ASTN2: variants seen among roughly 807,000 people sequenced by gnomAD.
ASTN2 encodes the protein astrotactin-2.
In ASTN2, 54 loss-of-function variants were observed where a neutral mutation model predicts 139.8. The ratio of observed to expected loss-of-function variants is 0.39; its 90% CI spans 0.31 to 0.48. The LOEUF (loss-of-function observed/expected upper bound fraction) is 0.48. ASTN2 is among the 20% of genes least tolerant of loss of function. ASTN2 has a pLI of 0.95. For synonymous variants in ASTN2, 756 were observed against 719.5 expected, an observed-to-expected ratio of 1.05 and a Z score of -0.81; for missense variants, 1,565 against 1,725.1, an observed-to-expected ratio of 0.91 and a Z score of 1.64.
At chr9:116,741,643 T>C (rs1829099161) in intron 13 of ASTN2, among the ~76,000 whole-genome samples, 1 of 152,144 alleles carries the variant, frequency 6.6e-6, no homozygotes, top group Non-Finnish European at 1.5e-5. Context: ...TGTCCTTCTC[T>C]GGAACTGAGA....
intron 10 of ASTN2, among the ~76,000 whole-genome samples, chr9:116,965,605 A>G (rs971631224): frequency 1.3e-5 from 2 of 152,192 alleles, no homozygotes; most frequent in South Asian, 4.1e-4. Context: ...ACAGAATCCT[A>G]ATATTATCTA....
Position 116,723,002 on chromosome 9 carries a change from A to G in ASTN2, c.2806+2769T>C, listed in dbSNP as rs893776840. 1.3e-4 allele frequency among the ~76,000 whole-genome samples: 20 copies of G among 152,230 alleles called. 1 individual carries two copies. The highest frequency in any genetic ancestry group is 4.2e-4 in the South Asian group (2 of 4,816). On this transcript the variant is annotated intron_variant, in intron 16 of 22. Coordinates refer to ENST00000313400, the MANE Select transcript of ASTN2 (RefSeq NM_001365068.1). Reference sequence around the variant, plus strand: ...AACACAGTGAAACCCCATCTCTACTAAAAATAGAAAAAATTAGCCGGGCAT... The same window carrying G: ...AACACAGTGAAACCCCATCTCTACTGAAAATAGAAAAAATTAGCCGGGCAT...
In ASTN2 at chr9:117,414,884, G is replaced by GC; in HGVS notation, c.54dup (p.Arg19AlafsTer107). Reference sequence around the variant, plus strand: ...CCCGGGTGGAAGCAGAGCCTCGGCCGCCCCCGGAGCCCCGAGCCGGGGCCG... The same window carrying GC: ...CCCGGGTGGAAGCAGAGCCTCGGCCGCCCCCCGGAGCCCCGAGCCGGGGCCG... On this transcript the variant is annotated frameshift_variant, in exon 1 of 23. Coordinates refer to ENST00000313400, the MANE Select transcript of ASTN2 (RefSeq NM_001365068.1). LOFTEE classifies it high-confidence loss of function. The surrounding 1 kb of genome is among the most constrained non-coding windows in gnomAD (Gnocchi z 4.2). 2.4e-6 allele frequency: 2 copies of GC among 845,106 alleles called. No individual in the cohort carries two copies. The highest frequency in any genetic ancestry group is 3.0e-6 in the Non-Finnish European group (2 of 667,318). The allele number at this position is 845,106 out of a possible 1,614,324, so 52.4% of individuals were successfully genotyped here.
intron 10 of ASTN2, among the ~76,000 whole-genome samples, chr9:116,926,666 T>G (rs1464044794): frequency 2.6e-5 from 4 of 152,190 alleles, no homozygotes; most frequent in African/African-American, 9.7e-5. Context: ...CTTATATACT[T>G]TGCTTCATTT....
chr9:116,917,708 G>GTGAA (rs1366717500), intron 10 of ASTN2, among the ~76,000 whole-genome samples: 1 of 152,186 alleles, frequency 6.6e-6, no homozygotes, highest in Non-Finnish European at 1.5e-5. Flanking sequence ...GAATGGAAAG[G>GTGAA]TGAAGTAGCC....
chr9:116,802,798 T>C (rs1181983557), intron 13 of ASTN2, among the ~76,000 whole-genome samples: 2 of 152,224 alleles, frequency 1.3e-5, no homozygotes, highest in East Asian at 3.9e-4. Context: ...GAAGGCATGT[T>C]CATTGGCAGT....
intron 12 of ASTN2, among the ~76,000 whole-genome samples, chr9:116,808,021 G>A (rs1269398784): frequency 6.6e-6 from 1 of 152,070 alleles, no homozygotes; most frequent in Non-Finnish European, 1.5e-5. Flanking sequence ...GGCGGAGGCA[G>A]GAGAATCACT....
chr9:116,940,520 G>T (rs780393796), intron 10 of ASTN2, among the ~76,000 whole-genome samples: 26 of 152,074 alleles, frequency 1.7e-4, no homozygotes, highest in Non-Finnish European at 3.7e-4. Flanking sequence ...TCATATCTTA[G>T]TTTTTAATAA....
At chr9:116,950,286 G>A (rs1342912500) in intron 10 of ASTN2, among the ~76,000 whole-genome samples, 1 of 152,134 alleles carries the variant, frequency 6.6e-6, no homozygotes, top group Non-Finnish European at 1.5e-5. Context: ...TGTCCCTTGG[G>A]GTGGAGGTGG....
At chr9:116,720,929 T>A (rs1828455137) in intron 16 of ASTN2, among the ~76,000 whole-genome samples, 1 of 152,160 alleles carries the variant, frequency 6.6e-6, no homozygotes, top group Non-Finnish European at 1.5e-5. Flanking sequence ...CTGCCCTTGA[T>A]CCTGGGTCAC....
At chr9:116,579,882 C>T (rs1472454491) in intron 19 of ASTN2, among the ~76,000 whole-genome samples, 5 of 152,172 alleles carry the variant, frequency 3.3e-5, no homozygotes, top group Non-Finnish European at 2.9e-5. Flanking sequence ...AGTGCAGTGG[C>T]GCGATCTCTG....
At chr9:117,008,367 T>A in intron 6 of ASTN2, 108 bp from the exon 7 acceptor site, 3 of 1,008,200 alleles carry the variant, frequency 3.0e-6, no homozygotes, top group East Asian at 2.9e-5. Flanking sequence ...GGTCATCTGA[T>A]CTCATTTGTC....
chr9:116,873,353 G>T (rs1167633416), intron 10 of ASTN2, among the ~76,000 whole-genome samples: 1 of 152,216 alleles, frequency 6.6e-6, no homozygotes, highest in Non-Finnish European at 1.5e-5. Flanking sequence ...CAGGTAGGTA[G>T]ATTTGAGCTT....
chr9:116,632,677 A>C (rs1186710646), intron 17 of ASTN2, among the ~76,000 whole-genome samples: 1 of 152,216 alleles, frequency 6.6e-6, no homozygotes, highest in Admixed American at 6.5e-5. Context: ...GGGTTCCCCC[A>C]GCCTATAATG....
intron 1 of ASTN2, among the ~76,000 whole-genome samples, chr9:117,298,646 C>T: frequency 7.2e-6 from 1 of 139,832 alleles, no homozygotes; most frequent in Non-Finnish European, 1.5e-5. Context: ...TTACTACTGT[C>T]TTGGTGTGTG....
intron 16 of ASTN2, 105 bp downstream of exon 16, chr9:116,725,666 G>A (rs1300081841): frequency 2.1e-5 from 25 of 1,189,018 alleles, no homozygotes; most frequent in South Asian, 1.0e-4. Context: ...CAGCTTAGAC[G>A]TGGCAGAGCC....
chr9:116,819,522 T>C (rs1228569474), intron 12 of ASTN2, among the ~76,000 whole-genome samples: 1 of 152,178 alleles, frequency 6.6e-6, no homozygotes, highest in Non-Finnish European at 1.5e-5. Context: ...AACTGGACTC[T>C]ACACACTAGA....
intron 19 of ASTN2, among the ~76,000 whole-genome samples, chr9:116,571,315 A>G (rs2131688745): frequency 6.6e-6 from 1 of 152,290 alleles, no homozygotes; most frequent in South Asian, 2.1e-4. Flanking sequence ...AAAGAGACCA[A>G]GCTGAGCACT....
chr9:116,494,853 C>T (rs1849622157), intron 19 of ASTN2, among the ~76,000 whole-genome samples: 1 of 152,130 alleles, frequency 6.6e-6, no homozygotes, highest in Non-Finnish European at 1.5e-5. Flanking sequence ...TGCACATTTC[C>T]CTCCAGACTG....
Sources: allele counts gnomAD v4.1 joint callset (sites outside exome capture counted in the v4.1 genomes callset), GRCh38; gene constraint gnomAD v4.1.1; non-coding constraint Gnocchi (gnomAD v3.1); transcripts MANE v1.5; gene names NCBI Gene and HGNC (gene_info 2026-07-23, HGNC 2026-07-21).